The following STIL variants were observed in gnomAD, a reference collection of about 807,000 sequenced individuals.
STIL encodes the protein STIL centriolar assembly protein.
In STIL, 55 loss-of-function variants were observed where a neutral mutation model predicts 110.1. The ratio of observed to expected loss-of-function variants is 0.50; its 90% CI spans 0.40 to 0.63. The LOEUF (loss-of-function observed/expected upper bound fraction) is 0.63. STIL is among the 20% of genes least tolerant of loss of function. The probability of loss-of-function intolerance (pLI) is 0.00; values close to 1 mark genes in which losing one functional copy is unlikely to be tolerated. For missense variants in STIL, 1,358 were observed against 1,530.0 expected (o/e 0.89, Z 1.87); for synonymous variants, 481 against 530.0 (o/e 0.91, Z 1.27).
Position 47,287,667 on chromosome 1 carries a change from T to C in STIL, c.1024-7A>G. 6.2e-7 allele frequency: 1 copy of C among 1,605,600 alleles called. No individual in the cohort carries two copies. Among genetic ancestry groups the C allele is most frequent in the Non-Finnish European group, 8.5e-7 (1 of 1,172,590 alleles). ...TGTCAGGAGGTTCAACATTCTGAAA[T>C]GAAGTAGGTCATATTTTGAGATCTG... On this transcript the variant is annotated splice_polypyrimidine_tract_variant and splice_region_variant and intron_variant, in intron 9 of 16. Coordinates refer to ENST00000371877, the MANE Select transcript of STIL (RefSeq NM_001048166.1).
intron 11 of STIL, 65 bp from the exon 12 acceptor site, chr1:47,281,274 C>G: frequency 6.8e-7 from 1 of 1,476,302 alleles, no homozygotes; most frequent in South Asian, 1.3e-5. Flanking sequence ...CTTTACTTTC[C>G]TCAGACCAGT....
chr1:47,276,722 T>C (rs1253339221), intron 12 of STIL, among the ~76,000 whole-genome samples: 1 of 147,682 alleles, frequency 6.8e-6, no homozygotes, highest in African/African-American at 2.5e-5. Context: ...GGCAGGAGAA[T>C]TGCTTCAACC....
chr1:47,307,719 C>T lies in STIL; in HGVS notation c.44+2557G>A, dbSNP rs1646002971. 2.0e-5 allele frequency among the ~76,000 whole-genome samples: 3 copies of T among 152,236 alleles called. No homozygotes were observed. The South Asian group carries it at 6.2e-4, about 32-fold the overall frequency. On this transcript the variant is annotated intron_variant, in intron 2 of 16. Transcript: ENST00000371877. ...GGAATAAGAGAGATAACCTTAAACT[C>T]TGACCGCCGGTGAGCCAGGCAGAAC...
At chr1:47,311,461 A>AT (rs1464416816) in intron 1 of STIL, among the ~76,000 whole-genome samples, 5 of 151,048 alleles carry the variant, frequency 3.3e-5, no homozygotes, top group South Asian at 2.1e-4. Flanking sequence ...ATTTTTTTGG[A>AT]TTTTTTGTAG....
At chr1:47,290,427 C>T (rs549384365) in intron 8 of STIL, among the ~76,000 whole-genome samples, 6 of 152,266 alleles carry the variant, frequency 3.9e-5, no homozygotes, top group South Asian at 4.1e-4. Flanking sequence ...ATGCACAGGC[C>T]GGGCGCAGTG....
At chr1:47,271,701 G>C (rs184758235) in intron 13 of STIL, among the ~76,000 whole-genome samples, 19 of 152,036 alleles carry the variant, frequency 1.2e-4, no homozygotes, top group Admixed American at 1.2e-3. Context: ...AACACTTTGG[G>C]AGGCTGAGAC....
chr1:47,307,741 G>A (rs952800411), intron 2 of STIL, among the ~76,000 whole-genome samples: 11 of 152,228 alleles, frequency 7.2e-5, no homozygotes, highest in Non-Finnish European at 1.3e-4. Flanking sequence ...GAGCCAGGCA[G>A]AACAGAGCCA....
chr1:47,303,165 T>C (rs990912040), intron 3 of STIL, among the ~76,000 whole-genome samples: 1 of 152,238 alleles, frequency 6.6e-6, no homozygotes, highest in African/African-American at 2.4e-5. Flanking sequence ...ATAAGTTATA[T>C]AATTAACTGG....
chr1:47,279,061 G>T (rs1023399521), intron 12 of STIL, among the ~76,000 whole-genome samples: 3 of 152,120 alleles, frequency 2.0e-5, no homozygotes, highest in Non-Finnish European at 2.9e-5. Flanking sequence ...ACTTTGGGAG[G>T]CCGAGGTGGG....
chr1:47,263,635 A>C (rs1644545610), intron 14 of STIL, among the ~76,000 whole-genome samples: 1 of 152,166 alleles, frequency 6.6e-6, no homozygotes, highest in Non-Finnish European at 1.5e-5. Flanking sequence ...TATTTAAGAC[A>C]ACTTTCTTTG....
At chr1:47,286,924 T>A (rs529938801) in intron 10 of STIL, among the ~76,000 whole-genome samples, 271 of 152,200 alleles carry the variant, frequency 1.8e-3, no homozygotes, top group African/African-American at 6.1e-3. Flanking sequence ...GATTTAAGGA[T>A]GTTGGCCAGG....
intron 10 of STIL, among the ~76,000 whole-genome samples, chr1:47,286,267 CACT>C (rs1645296195): frequency 6.6e-6 from 1 of 152,108 alleles, no homozygotes; most frequent in African/African-American, 2.4e-5. Flanking sequence ...TGCCCCCCAC[CACT>C]AGTTACCGTT....
chr1:47,269,281 TC>T (rs1434648475), intron 14 of STIL, among the ~76,000 whole-genome samples: 1 of 151,774 alleles, frequency 6.6e-6, no homozygotes, highest in Admixed American at 6.6e-5. Context: ...TACATAGAAA[TC>T]ATATCAAGTA....
Position 47,251,742 on chromosome 1 carries a change from G to C in STIL, c.3261C>G (p.Asn1087Lys), listed in dbSNP as rs551987457. Residue 1087 changes from asparagine to lysine, a missense_variant, in exon 17 of 17, where the codon AAC becomes AAG. Coordinates refer to ENST00000371877, the MANE Select transcript of STIL (RefSeq NM_001048166.1). ...GGCTGAATGGGTCACAATTATTTTG[G>C]TTCGATCGAGTGACAGACAGTTGTG... The part of the protein sequence containing the change: ...QLSQLSVTRS[N>K]QNNCDPFSLL... 3.1e-6 allele frequency: 5 copies of C among 1,614,068 alleles called. No individual in the cohort carries two copies. In the South Asian group the frequency reaches 5.5e-5, roughly 18 times the overall value.
chr1:47,282,391 T>C lies in STIL; in HGVS notation c.1202A>G (p.Asp401Gly), dbSNP rs1645178140. The C allele has an allele frequency of 2.5e-6, 4 of 1,613,260 alleles. No homozygotes were observed. Among genetic ancestry groups the C allele is most frequent in the Non-Finnish European group, 3.4e-6 (4 of 1,179,762 alleles). The stretch of plus-strand genomic sequence containing the variant: ...ACTAGGAATTGGTCTTGGAGAAAAA[T>C]CTTCATCTTCAACACCAGAGTCGTG... ...HDHDSGVEDE[D>G]FSPRPIPSPH... The change falls in exon 11 of 17, where the codon GAT becomes GGT. Residue 401 changes from aspartate to glycine, a missense_variant. Transcript: ENST00000371877.
chr1:47,309,749 C>T (rs1362265809), intron 2 of STIL, among the ~76,000 whole-genome samples: 2 of 152,160 alleles, frequency 1.3e-5, no homozygotes, highest in Non-Finnish European at 2.9e-5. Context: ...AGACAGGTGG[C>T]AAGCTCCTAC....
intron 15 of STIL, among the ~76,000 whole-genome samples, chr1:47,261,558 G>A (rs1644485599): frequency 6.6e-6 from 1 of 151,262 alleles, no homozygotes; most frequent in South Asian, 2.1e-4. Flanking sequence ...TGGCTAACAT[G>A]GTGAAACCCC....
chr1:47,297,788 T>C (rs1468598544), intron 6 of STIL, among the ~76,000 whole-genome samples: 1 of 152,048 alleles, frequency 6.6e-6, no homozygotes, highest in African/African-American at 2.4e-5. Flanking sequence ...CGATTCTAGA[T>C]AGGAAGTGGC....
chr1:47,296,751 T>C (rs1645652946), intron 6 of STIL, among the ~76,000 whole-genome samples: 1 of 152,028 alleles, frequency 6.6e-6, no homozygotes, highest in Admixed American at 6.5e-5. Context: ...GAAGCAGAGG[T>C]TGCAGTGAGC....
Sources: gnomAD v4.1 joint callset for allele counts (sites outside exome capture counted in the v4.1 genomes callset) on GRCh38, gnomAD v4.1.1 for gene constraint, MANE v1.5 for transcripts, NCBI Gene and HGNC (gene_info 2026-07-23, HGNC 2026-07-21) for gene names.